SGMS1: variants seen among roughly 807,000 people sequenced by gnomAD.
SGMS1 encodes the protein phosphatidylcholine:ceramide cholinephosphotransferase 1.
A neutral mutation model predicts 46.2 loss-of-function variants in SGMS1; 13 were observed. That is an observed-to-expected ratio of 0.28 (90% confidence interval 0.18 to 0.45). SGMS1 has a LOEUF of 0.45. Ranked by LOEUF, SGMS1 falls within the 20% of genes least tolerant of loss-of-function variation. The probability of loss-of-function intolerance (pLI) is 1.00; values close to 1 mark genes in which losing one functional copy is unlikely to be tolerated. For synonymous variants in SGMS1, 203 were observed against 187.8 expected (o/e 1.08, Z -0.66); for missense variants, 324 against 519.9 (o/e 0.62, Z 3.66).
At chr10:50,575,904 C>A (rs1037079312) in intron 2 of SGMS1, among the ~76,000 whole-genome samples, 5 of 152,022 alleles carry the variant, frequency 3.3e-5, no homozygotes, top group Middle Eastern at 3.2e-3. Context: ...TATAACTGTT[C>A]ATGTTAACAC....
At chr10:50,375,312 C>A (rs970421275) in intron 6 of SGMS1, among the ~76,000 whole-genome samples, 3 of 152,106 alleles carry the variant, frequency 2.0e-5, no homozygotes, top group Non-Finnish European at 4.4e-5. Flanking sequence ...TTAGTCTAGT[C>A]ACAGAACATT....
intron 3 of SGMS1, among the ~76,000 whole-genome samples, chr10:50,507,960 G>C (rs899074774): frequency 6.6e-6 from 1 of 152,146 alleles, no homozygotes; most frequent in Non-Finnish European, 1.5e-5. Flanking sequence ...GTTGGAGACA[G>C]GAAGAGAACC....
At chr10:50,574,386 A>G (rs1002792899) in intron 2 of SGMS1, among the ~76,000 whole-genome samples, 2 of 152,230 alleles carry the variant, frequency 1.3e-5, no homozygotes, top group Non-Finnish European at 2.9e-5. Context: ...GAGGTTTATG[A>G]CCAAATGCTC....
chr10:50,573,125 C>T (rs1838350256), intron 2 of SGMS1, among the ~76,000 whole-genome samples: 1 of 152,166 alleles, frequency 6.6e-6, no homozygotes, highest in Non-Finnish European at 1.5e-5. Context: ...CCATAGCTAA[C>T]ATCATACTCA....
intron 6 of SGMS1, among the ~76,000 whole-genome samples, chr10:50,424,790 T>TA (rs1849299844): frequency 6.6e-6 from 1 of 151,908 alleles, no homozygotes; most frequent in East Asian, 1.9e-4. Context: ...CACATGCCTG[T>TA]AATCCCAGCT....
At position 50,566,415 on chromosome 10, in the gene SGMS1, C is replaced by T. The variant is rs150290376; in HGVS notation, c.-589+23738G>A. 5.3e-5 allele frequency among the ~76,000 whole-genome samples: 8 copies of T among 152,192 alleles called. No homozygotes were observed. In the East Asian group the frequency reaches 1.5e-3, roughly 29 times the overall value. The stretch of plus-strand genomic sequence containing the variant: ...AGCAGAGGACACTAAAACCAGAAAA[C>T]ATATTGATTTTTACTTTACTCTGTT... On this transcript the variant is annotated intron_variant, in intron 2 of 10. Coordinates refer to ENST00000361781, the MANE Select transcript of SGMS1 (RefSeq NM_147156.4).
At chr10:50,597,712 T>G (rs1402578529) in intron 1 of SGMS1, among the ~76,000 whole-genome samples, 1 of 152,070 alleles carries the variant, frequency 6.6e-6, no homozygotes, top group African/African-American at 2.4e-5. Flanking sequence ...TTAATGTCTG[T>G]GTTAAAATTC....
chr10:50,306,913 C>T lies in SGMS1; in HGVS notation c.*229G>A. On this transcript the variant is annotated 3_prime_UTR_variant, in exon 11 of 11. Transcript: ENST00000361781. Reference sequence around the variant, plus strand: ...GTTATGTAAATCCCAAACTTATGAACAGGAAATGTGTACAGTGCATGATAG... The same window carrying T: ...GTTATGTAAATCCCAAACTTATGAATAGGAAATGTGTACAGTGCATGATAG... The T allele has an allele frequency of 2.6e-6, 1 of 378,626 alleles. No individual in the cohort carries two copies. Among genetic ancestry groups the T allele is most frequent in the South Asian group, 1.1e-4 (1 of 8,890 alleles). 23.5% of individuals were successfully genotyped at this position (378,626 alleles called of 1,614,324 possible).
chr10:50,362,594 T>C (rs963674828), intron 6 of SGMS1, among the ~76,000 whole-genome samples: 50 of 152,292 alleles, frequency 3.3e-4, no homozygotes, highest in African/African-American at 1.2e-3. Context: ...CAATGGTTCA[T>C]AGGACTCCCA....
intron 1 of SGMS1, among the ~76,000 whole-genome samples, chr10:50,591,998 C>G (rs1838546061): frequency 6.6e-6 from 1 of 152,214 alleles, no homozygotes; most frequent in Admixed American, 6.5e-5. Flanking sequence ...GGCCTATCTC[C>G]TCCACTTTTT....
At chr10:50,446,683 G>A (rs1307907641) in intron 5 of SGMS1, among the ~76,000 whole-genome samples, 1 of 152,154 alleles carries the variant, frequency 6.6e-6, no homozygotes, top group Non-Finnish European at 1.5e-5. Context: ...CATATCTGAA[G>A]TTCTGAAAGA....
chr10:50,480,060 A>G (rs1204252800), intron 3 of SGMS1, among the ~76,000 whole-genome samples: 1 of 152,084 alleles, frequency 6.6e-6, no homozygotes, highest in Non-Finnish European at 1.5e-5. Context: ...CTTCTTTCTC[A>G]TCAAACAGAC....
intron 3 of SGMS1, among the ~76,000 whole-genome samples, chr10:50,498,755 T>A (rs911038410): frequency 1.3e-5 from 2 of 152,230 alleles, no homozygotes; most frequent in African/African-American, 4.8e-5. Context: ...TTATTATGAA[T>A]AATGCTGCTA....
intron 6 of SGMS1, among the ~76,000 whole-genome samples, chr10:50,412,866 C>T (rs181659734): frequency 2.0e-3 from 308 of 152,266 alleles, no homozygotes; most frequent in African/African-American, 7.0e-3. Flanking sequence ...GCAACTTATG[C>T]CTCCCTCTAA....
intron 2 of SGMS1, among the ~76,000 whole-genome samples, chr10:50,538,895 C>T (rs1016998899): frequency 1.2e-4 from 19 of 152,228 alleles, no homozygotes; most frequent in Non-Finnish European, 2.4e-4. Flanking sequence ...GGGTTAAAGT[C>T]TGCCATGAAA....
intron 2 of SGMS1, among the ~76,000 whole-genome samples, chr10:50,578,985 T>G (rs1322540429): frequency 1.3e-5 from 2 of 151,930 alleles, no homozygotes; most frequent in African/African-American, 4.8e-5. Flanking sequence ...AAAGAAAATA[T>G]CTAACATGAA....
intron 8 of SGMS1, among the ~76,000 whole-genome samples, chr10:50,316,160 C>T (rs1037449161): frequency 2.0e-5 from 3 of 152,218 alleles, no homozygotes; most frequent in African/African-American, 7.2e-5. Context: ...GACTGTACTT[C>T]AGCCCCATTA....
chr10:50,529,659 A>G (rs1034841406), intron 2 of SGMS1, among the ~76,000 whole-genome samples: 1 of 152,216 alleles, frequency 6.6e-6, no homozygotes, highest in African/African-American at 2.4e-5. Context: ...ATATTATTAA[A>G]TACTTACAGG....
At chr10:50,454,413 T>C (rs1375873542) in intron 5 of SGMS1, among the ~76,000 whole-genome samples, 3 of 151,860 alleles carry the variant, frequency 2.0e-5, no homozygotes, top group Non-Finnish European at 4.4e-5. Flanking sequence ...AGGACCTCAC[T>C]AGAGTGGTGA....
Sources: allele counts gnomAD v4.1 joint callset (sites outside exome capture counted in the v4.1 genomes callset), GRCh38; gene constraint gnomAD v4.1.1; transcripts MANE v1.5; gene names NCBI Gene and HGNC (gene_info 2026-07-23, HGNC 2026-07-21).